MYO18B: variants seen among roughly 807,000 people sequenced by gnomAD.
MYO18B encodes myosin XVIIIB.
Under a neutral mutation model 273.0 loss-of-function variants are expected in MYO18B, and 204 were observed. The observed-to-expected ratio is 0.75, with a 90% CI of 0.67 to 0.84. The LOEUF is 0.84. MYO18B is among the 40% of genes least tolerant of loss of function. The pLI, the probability that MYO18B is intolerant of heterozygous loss-of-function variation, is 0.00. For missense variants in MYO18B, 3,212 were observed against 3,287.6 expected (o/e 0.98, Z 0.56); for synonymous variants, 1,330 against 1,305.7 (o/e 1.02, Z -0.40).
intron 23 of MYO18B, among the ~76,000 whole-genome samples, 186 bp from the exon 24 acceptor site, chr22:25,876,003 C>CGTGTGTGTGTGTGTGT (rs4049349): frequency 1.6e-4 from 22 of 140,012 alleles, no homozygotes; most frequent in African/African-American, 5.6e-4. Context: ...AAAGGAAGCC[C>CGTGTGTGTGTGTGTGT]GTGTGTGTGT....
intron 16 of MYO18B, 148 bp downstream of exon 16, chr22:25,833,145 C>A: frequency 1.4e-6 from 1 of 700,616 alleles, no homozygotes; most frequent in Non-Finnish European, 2.5e-6. Flanking sequence ...ATGCCTGGGA[C>A]CCAACCCCAG....
At chr22:26,046,954 A>G in the MYO18B span, among the ~76,000 whole-genome samples, 1 of 152,142 alleles carries the variant, frequency 6.6e-6, no homozygotes, top group Non-Finnish European at 1.5e-5. Context: ...TGGGTGCCTC[A>G]GTTCTCCTCC....
intron 11 of MYO18B, among the ~76,000 whole-genome samples, chr22:25,789,108 C>CTCCTCCTCCTCT (rs2087536841): frequency 7.5e-6 from 1 of 134,208 alleles, no homozygotes; most frequent in African/African-American, 2.9e-5. Context: ...CTTCCTCCTC[C>CTCCTCCTCCTCT]TCCTCCTCCT....
At chr22:25,753,219 C>T (rs1202456747) in intron 1 of MYO18B, among the ~76,000 whole-genome samples, 1 of 130,788 alleles carries the variant, frequency 7.6e-6, no homozygotes, top group African/African-American at 3.0e-5. Context: ...GCTGGCCTCC[C>T]GGTCGGCAGG....
chr22:25,995,377 T>C (rs1933124631), intron 40 of MYO18B, among the ~76,000 whole-genome samples: 1 of 152,150 alleles, frequency 6.6e-6, no homozygotes, highest in Non-Finnish European at 1.5e-5. Flanking sequence ...CATTGTACAT[T>C]AAAAAATAAC....
At chr22:25,753,932 G>T (rs990997906) in intron 1 of MYO18B, among the ~76,000 whole-genome samples, 4 of 152,162 alleles carry the variant, frequency 2.6e-5, no homozygotes, top group African/African-American at 4.8e-5. Flanking sequence ...CCAGACACAG[G>T]GTCTTTATGT....
rs1387029674 is a variant in MYO18B, at chr22:25,955,313, G to A, written c.6105G>A (p.Met2035Ile). Reference sequence around the variant, plus strand: ...GCCTGGAAGAGCTGAAGGCCGACATGGAAGAGCTGGTGCAGCGGGAGGCAG... The same window carrying A: ...GCCTGGAAGAGCTGAAGGCCGACATAGAAGAGCTGGTGCAGCGGGAGGCAG... ...QRRLEELKADMEELVQREAEA... is the reference protein window; with the variant it reads ...QRRLEELKADIEELVQREAEA... The change falls in exon 39 of 44, where the codon ATG becomes ATA. Residue 2035 changes from methionine (M) to isoleucine (I), a missense_variant. Physicochemically the swap from Met to Ile is conservative, Grantham distance 10. Coordinates refer to ENST00000335473, the MANE Select transcript of MYO18B (RefSeq NM_032608.7). The A allele has an allele frequency of 8.1e-6, 13 of 1,613,796 alleles. No homozygotes were observed. The highest frequency in any genetic ancestry group is 1.1e-5 in the Non-Finnish European group (13 of 1,179,804).
Position 25,832,989 on chromosome 22 carries a change from C to G in MYO18B, c.3052C>G (p.Pro1018Ala). The G allele has an allele frequency of 6.2e-7, 1 of 1,613,814 alleles. No individual in the cohort carries two copies. Among genetic ancestry groups the G allele is most frequent in the Non-Finnish European group, 8.5e-7 (1 of 1,179,808 alleles). ...GTTVAVVDQN[P>A]SQVRLPAGGG... ...CACCGTGGCTGTTGTGGATCAAAATCCCTCTCAGGTAACACAGGGCCCAGC... is the reference window on the plus strand; with the variant it reads ...CACCGTGGCTGTTGTGGATCAAAATGCCTCTCAGGTAACACAGGGCCCAGC... Residue 1018 changes from proline to alanine, a missense_variant, in exon 16 of 44, where the codon CCC becomes GCC. Transcript: ENST00000335473.
chr22:25,832,314 A>G (rs9624913), intron 15 of MYO18B, among the ~76,000 whole-genome samples: 74,994 of 152,026 alleles, frequency 0.49, 20,201 homozygotes, highest in Non-Finnish European at 0.6. Context: ...CCAGATTGCA[A>G]CATTATTCAC....
At chr22:25,855,282 A>ATT (rs1246603846) in intron 21 of MYO18B, among the ~76,000 whole-genome samples, 1 of 82,762 alleles carries the variant, frequency 1.2e-5, no homozygotes, top group Non-Finnish European at 2.3e-5. Context: ...ACGTTATCTC[A>ATT]TTCTTTTTTT....
At chr22:26,023,700 C>CGT (rs1936017917) in intron 42 of MYO18B, among the ~76,000 whole-genome samples, 1 of 152,120 alleles carries the variant, frequency 6.6e-6, no homozygotes, top group Non-Finnish European at 1.5e-5. Flanking sequence ...ACAGAGCATC[C>CGT]AAGACACTCA....
intron 12 of MYO18B, among the ~76,000 whole-genome samples, chr22:25,822,134 C>A (rs1041929758): frequency 6.6e-6 from 1 of 152,224 alleles, no homozygotes; most frequent in Admixed American, 6.5e-5. Flanking sequence ...CCTCTCCCCA[C>A]CCCGTTACAT....
At chr22:25,996,530 G>C (rs1933262057) in intron 40 of MYO18B, among the ~76,000 whole-genome samples, 1 of 152,100 alleles carries the variant, frequency 6.6e-6, no homozygotes, top group South Asian at 2.1e-4. Context: ...GGGTGGTCCT[G>C]CTTTTATCAA....
At chr22:25,836,390 T>A (rs1003708711) in intron 17 of MYO18B, among the ~76,000 whole-genome samples, 5 of 152,138 alleles carry the variant, frequency 3.3e-5, no homozygotes, top group Admixed American at 3.3e-4. Flanking sequence ...GTTGCAGGTT[T>A]ATTGATGAGG....
the MYO18B span, among the ~76,000 whole-genome samples, chr22:26,061,429 A>G: frequency 6.6e-6 from 1 of 152,084 alleles, no homozygotes; most frequent in African/African-American, 2.4e-5. Context: ...TTTGCTTTGA[A>G]TACTGGGTGG....
At chr22:25,967,044 C>A (rs1051996307) in intron 39 of MYO18B, among the ~76,000 whole-genome samples, 2 of 152,158 alleles carry the variant, frequency 1.3e-5, no homozygotes, top group African/African-American at 4.8e-5. Context: ...AGCAATTAAT[C>A]AGAATTTAAA....
At chr22:25,862,801 C>G (rs913516350) in intron 21 of MYO18B, among the ~76,000 whole-genome samples, 1 of 149,662 alleles carries the variant, frequency 6.7e-6, no homozygotes, top group African/African-American at 2.5e-5. Flanking sequence ...TGTGTTTATT[C>G]TATTTGGAAT....
chr22:25,761,342 G>A (rs133878), intron 2 of MYO18B, among the ~76,000 whole-genome samples: 1 of 41,820 alleles, frequency 2.4e-5, no homozygotes, highest in Non-Finnish European at 4.6e-5. Flanking sequence ...TACCCTTGAC[G>A]CCCCCCCGAG....
At position 26,004,867 on chromosome 22, in the gene MYO18B, T is replaced by A. The variant is rs746326686; in HGVS notation, c.6470+12T>A. 1 of 1,613,404 alleles carries A rather than the reference T, an allele frequency of 6.2e-7. No individual in the cohort carries two copies. Among genetic ancestry groups the A allele is most frequent in the South Asian group, 1.1e-5 (1 of 90,926 alleles). ...ATCCTCAGCCCCAGGTAAGAGTATCTCCTTGCTGCCTCTGGATGGCTAATA... is the reference window on the plus strand; with the variant it reads ...ATCCTCAGCCCCAGGTAAGAGTATCACCTTGCTGCCTCTGGATGGCTAATA... On this transcript the variant is annotated intron_variant, in intron 42 of 43. Transcript: ENST00000335473.
Sources: gnomAD v4.1 joint callset for allele counts (sites outside exome capture counted in the v4.1 genomes callset) on GRCh38, gnomAD v4.1.1 for gene constraint, MANE v1.5 for transcripts, NCBI Gene and HGNC (gene_info 2026-07-23, HGNC 2026-07-21) for gene names.